TACR1: variants seen among roughly 807,000 people sequenced by gnomAD.
TACR1 encodes tachykinin receptor 1.
TACR1 carries 25 observed loss-of-function variants against 35.8 expected under a neutral mutation model. The ratio of observed to expected loss-of-function variants is 0.70; its 90% CI spans 0.51 to 0.98. The LOEUF (loss-of-function observed/expected upper bound fraction) is 0.98. TACR1 is among the 50% of genes least tolerant of loss of function. The pLI is 0.00. For synonymous variants in TACR1, 195 were observed against 206.7 expected (o/e 0.94, Z 0.48); for missense variants, 478 against 522.9 (o/e 0.91, Z 0.84).
chr2:75,166,726 T>G (rs1675151607), intron 1 of TACR1, among the ~76,000 whole-genome samples: 2 of 152,204 alleles, frequency 1.3e-5, no homozygotes. Context: ...ATGTAAAACT[T>G]GGAGGCTATT....
At chr2:75,085,931 T>G (rs1673180446) in intron 2 of TACR1, among the ~76,000 whole-genome samples, 1 of 152,226 alleles carries the variant, frequency 6.6e-6, no homozygotes, top group South Asian at 2.1e-4. Flanking sequence ...AGAGAAGCTA[T>G]TGTATGTGAC....
chr2:75,138,694 T>C lies in TACR1; in HGVS notation c.390-17926A>G, dbSNP rs533818325. On this transcript the variant is annotated intron_variant, in intron 1 of 4. Coordinates refer to ENST00000305249, the MANE Select transcript of TACR1 (RefSeq NM_001058.4). ...CTGGGGGATCTGCCTCTCCTGGCTC[T>C]GTCCTTATTGGTCAAATATGTAGTC... is the stretch of plus-strand genomic sequence containing the variant. Among the ~76,000 whole-genome samples, 70 of 152,294 alleles carry C rather than the reference T, an allele frequency of 4.6e-4. No individual in the cohort carries two copies. In the South Asian group the frequency reaches 0.014, roughly 30 times the overall value.
At chr2:75,051,597 T>G in intron 3 of TACR1, 150 bp from the exon 4 acceptor site, 1 of 1,463,612 alleles carries the variant, frequency 6.8e-7, no homozygotes, top group South Asian at 1.4e-5. Flanking sequence ...AAAGGATCTT[T>G]ACTATATGGT....
intron 1 of TACR1, among the ~76,000 whole-genome samples, chr2:75,194,666 CAGAG>C (rs1675922959): frequency 6.6e-6 from 1 of 152,210 alleles, no homozygotes; most frequent in South Asian, 2.1e-4. Context: ...TCAGCTCTCT[CAGAG>C]AGCTCAATTC....
chr2:75,118,747 T>C (rs1673910574), intron 2 of TACR1: 1 of 152,152 alleles, frequency 6.6e-6, no homozygotes, highest in South Asian at 2.1e-4. Flanking sequence ...CCATGAAAAC[T>C]AAGAGCTGAG....
chr2:75,194,593 G>A (rs1200874643), intron 1 of TACR1, among the ~76,000 whole-genome samples: 3 of 152,196 alleles, frequency 2.0e-5, no homozygotes, highest in Non-Finnish European at 2.9e-5. Flanking sequence ...GTAGACACGA[G>A]TTCAGTGGAC....
chr2:75,178,929 C>T (rs1675494783), intron 1 of TACR1, among the ~76,000 whole-genome samples: 1 of 152,164 alleles, frequency 6.6e-6, no homozygotes. Context: ...GTCTCTATCT[C>T]CCTCTTTCTC....
At chr2:75,055,667 G>C (rs1423620045) in intron 2 of TACR1, among the ~76,000 whole-genome samples, 1 of 152,194 alleles carries the variant, frequency 6.6e-6, no homozygotes, top group African/African-American at 2.4e-5. Flanking sequence ...ATTGCTACAG[G>C]GCACTGAGCA....
chr2:75,051,376 G>C lies in TACR1; in HGVS notation c.807C>G (p.Leu269=). ...ICWLPFHIFF[L]LPYINPDLYL... ...AGAGATCTGGGTTGATGTAGGGCAGGAGGAAGAAGATGTGGAAGGGCAGCC... is the reference window on the plus strand; with the variant it reads ...AGAGATCTGGGTTGATGTAGGGCAGCAGGAAGAAGATGTGGAAGGGCAGCC... Residue 269 remains leucine, a synonymous_variant, in exon 4 of 5, where the codon CTC becomes CTG. Transcript: ENST00000305249. The C allele has an allele frequency of 6.2e-7, 1 of 1,614,212 alleles. No individual in the cohort carries two copies. Among genetic ancestry groups the C allele is most frequent in the Non-Finnish European group, 8.5e-7 (1 of 1,180,040 alleles).
At chr2:75,127,650 C>T (rs571370527) in intron 1 of TACR1, among the ~76,000 whole-genome samples, 4 of 152,288 alleles carry the variant, frequency 2.6e-5, no homozygotes, top group African/African-American at 9.6e-5. Context: ...GCTGTTCTGT[C>T]TCATGTGTGA....
chr2:75,113,532 CTTTTTTTTTTTTT>C (rs11437762), intron 2 of TACR1, among the ~76,000 whole-genome samples: 2 of 92,084 alleles, frequency 2.2e-5, no homozygotes, highest in Non-Finnish European at 3.9e-5. Flanking sequence ...TTTCTTCTTC[CTTTTTTTTTTTTT>C]TTTTTTTTTT....
At chr2:75,103,611 A>G (rs779456383) in intron 2 of TACR1, among the ~76,000 whole-genome samples, 2 of 152,150 alleles carry the variant, frequency 1.3e-5, no homozygotes, top group African/African-American at 2.4e-5. Context: ...GAGAAGAGAC[A>G]AATCTTCAGT....
intron 2 of TACR1, among the ~76,000 whole-genome samples, chr2:75,115,906 C>CAAAAAAA (rs1158476632): frequency 2.4e-4 from 13 of 54,408 alleles, no homozygotes; most frequent in Admixed American, 5.6e-4. Flanking sequence ...GACTCCGTCT[C>CAAAAAAA]AAAAAAAAAA....
intron 3 of TACR1, 93 bp downstream of exon 3, chr2:75,053,512 C>T (rs1672510391): frequency 2.1e-6 from 3 of 1,398,074 alleles, no homozygotes; most frequent in Non-Finnish European, 2.8e-6. Flanking sequence ...ATATTTTGTG[C>T]TAGCTGCCTC....
intron 1 of TACR1, among the ~76,000 whole-genome samples, chr2:75,149,341 A>G (rs1024561803): frequency 6.6e-6 from 1 of 152,186 alleles, no homozygotes; most frequent in African/African-American, 2.4e-5. Context: ...CAGTATGACC[A>G]TTTTCACAAT....
At chr2:75,121,533 C>T (rs1248183371) in intron 1 of TACR1, among the ~76,000 whole-genome samples, 1 of 152,180 alleles carries the variant, frequency 6.6e-6, no homozygotes, top group Non-Finnish European at 1.5e-5. Context: ...TGGCACTAAA[C>T]AGTGTCATCT....
chr2:75,110,186 T>C (rs892841572), intron 2 of TACR1, among the ~76,000 whole-genome samples: 1 of 152,116 alleles, frequency 6.6e-6, no homozygotes, highest in African/African-American at 2.4e-5. Context: ...TTCACTTAAG[T>C]AAATATTGGA....
intron 1 of TACR1, among the ~76,000 whole-genome samples, chr2:75,138,943 C>T (rs1024073492): frequency 3.9e-5 from 6 of 152,116 alleles, no homozygotes; most frequent in African/African-American, 1.4e-4. Flanking sequence ...GCAATTACAA[C>T]TGTGGTAAGT....
intron 1 of TACR1, among the ~76,000 whole-genome samples, chr2:75,152,561 T>G (rs1034009966): frequency 6.6e-6 from 1 of 152,190 alleles, no homozygotes; most frequent in Admixed American, 6.5e-5. Flanking sequence ...CAGTCTCAGT[T>G]ATGTCTTTAT....
Sources: allele counts gnomAD v4.1 joint callset (sites outside exome capture counted in the v4.1 genomes callset), GRCh38; gene constraint gnomAD v4.1.1; transcripts MANE v1.5; gene names NCBI Gene and HGNC (gene_info 2026-07-23, HGNC 2026-07-21).